Variants in ANKRD30B observed in about 807,000 individuals in gnomAD.
ANKRD30B encodes the protein ankyrin repeat domain-containing protein 30B.
In ANKRD30B, 144 loss-of-function variants were observed where a neutral mutation model predicts 202.2. The observed-to-expected ratio is 0.71, with a 90% CI of 0.62 to 0.82. ANKRD30B has a LOEUF of 0.82. Among genes scored for constraint, ANKRD30B ranks in the 40% least tolerant of loss-of-function variants. ANKRD30B has a pLI of 0.00. For synonymous variants in ANKRD30B, 508 were observed against 561.3 expected (o/e 0.91, Z 1.34); for missense variants, 1,487 against 1,669.1 (o/e 0.89, Z 1.90).
chr18:14,854,848 CA>C (rs1972030062), downstream of ANKRD30B, among the ~76,000 whole-genome samples: 1 of 150,442 alleles, frequency 6.6e-6, no homozygotes, highest in African/African-American at 2.5e-5. Context: ...CACACACACA[CA>C]CACACACACA....
chr18:14,853,298 C>T (rs1208210054), intron 42 of ANKRD30B, among the ~76,000 whole-genome samples: 3 of 151,964 alleles, frequency 2.0e-5, no homozygotes, highest in African/African-American at 7.3e-5. Flanking sequence ...ATGTATAGTA[C>T]AAAAGAAGTG....
chr18:14,830,719 A>G (rs1338831074), intron 33 of ANKRD30B, among the ~76,000 whole-genome samples: 1 of 152,202 alleles, frequency 6.6e-6, no homozygotes, highest in Non-Finnish European at 1.5e-5. Flanking sequence ...TATGTCAGCC[A>G]TTAAGTACAT....
chr18:14,920,349 T>C, the ANKRD30B span, among the ~76,000 whole-genome samples: 1 of 152,228 alleles, frequency 6.6e-6, no homozygotes, highest in Non-Finnish European at 1.5e-5. Flanking sequence ...CCTATTTCTG[T>C]AACTCTGAAA....
At chr18:14,884,755 G>A in the ANKRD30B span, among the ~76,000 whole-genome samples, 1 of 152,064 alleles carries the variant, frequency 6.6e-6, no homozygotes, top group African/African-American at 2.4e-5. Context: ...GATGTTACTG[G>A]AAAGAGGCTA....
At chr18:14,798,660 C>A (rs931639182) in intron 20 of ANKRD30B, among the ~76,000 whole-genome samples, 1 of 152,050 alleles carries the variant, frequency 6.6e-6, no homozygotes, top group Non-Finnish European at 1.5e-5. Context: ...TCCGTGCGTC[C>A]ATTTATAGGC....
chr18:14,795,626 A>T (rs914803424), intron 16 of ANKRD30B, among the ~76,000 whole-genome samples: 2 of 152,206 alleles, frequency 1.3e-5, no homozygotes, highest in Non-Finnish European at 2.9e-5. Flanking sequence ...AAAAATAAAT[A>T]TATTTATAAA....
chr18:14,870,151 C>T, the ANKRD30B span, among the ~76,000 whole-genome samples: 1 of 152,330 alleles, frequency 6.6e-6, no homozygotes, highest in Non-Finnish European at 1.5e-5. Context: ...ATTTTAGATA[C>T]AGTGTCTTCC....
rs908883107 is a variant in ANKRD30B at position 14,852,345 on chromosome 18, T to C, written c.4401T>C (p.Asn1467=). The C allele has an allele frequency of 3.9e-6, 6 of 1,541,522 alleles. No individual in the cohort carries two copies. In the African/African-American group the frequency reaches 8.3e-5, roughly 21 times the overall value. The change falls in exon 42 of 44, where the codon AAT becomes AAC. Residue 1467 remains asparagine, a synonymous_variant. Coordinates refer to ENST00000690538, the MANE Select transcript of ANKRD30B (RefSeq NM_001367607.2). ...MKMQRHLNEK[N]EEVFNYGNHL... is the part of the protein sequence containing the mutation. ...TGCAACGTCATCTAAACGAGAAAAATGAGGAGGTATTCAATTATGGTAACC... is the reference window on the plus strand; with the variant it reads ...TGCAACGTCATCTAAACGAGAAAAACGAGGAGGTATTCAATTATGGTAACC...
intron 15 of ANKRD30B, among the ~76,000 whole-genome samples, chr18:14,789,917 A>G (rs575001644): frequency 5.6e-4 from 86 of 152,234 alleles, no homozygotes; most frequent in Non-Finnish European, 1.0e-3. Context: ...GTTTTTTCCA[A>G]TTCTGTGAAG....
intron 18 of ANKRD30B, among the ~76,000 whole-genome samples, chr18:14,797,117 A>C (rs566472779): frequency 1.3e-5 from 2 of 152,324 alleles, no homozygotes; most frequent in Admixed American, 1.3e-4. Context: ...AGAAATTCTC[A>C]GAAGGGAGTA....
In ANKRD30B at chr18:14,784,466, G is replaced by A. The variant is rs775465702; in HGVS notation, c.1603G>A (p.Ala535Thr). The part of the protein sequence containing the change: ...LPEKPSAFKP[A>T]VEMQKTVPNK... ...TTTTTCTTCCAAACCCATTTAGCCT[G>A]CCGTTGAAATGCAAAAGACTGTTCC... Residue 535 changes from alanine (A) to threonine (T), a missense_variant, in exon 14 of 44, where the codon GCC becomes ACC. Ala to Thr is a moderately conservative substitution (Grantham distance 58). This residue lies in a region of ANKRD30B where 889 missense variants were observed against 841.4 expected (regional missense o/e 1.06). Transcript: ENST00000690538. 2.5e-6 allele frequency: 4 copies of A among 1,613,240 alleles called. No homozygotes were observed. The highest frequency in any genetic ancestry group is 3.4e-6 in the Non-Finnish European group (4 of 1,179,448).
rs147449051 is a variant in ANKRD30B, at chr18:14,808,057, G to A, written c.2285-494G>A. Reference sequence around the variant, plus strand: ...TAAATTGTACCTTTGAATTCTCATCGGAGCTTTGCAATTCTTAAATTACAG... The same window carrying A: ...TAAATTGTACCTTTGAATTCTCATCAGAGCTTTGCAATTCTTAAATTACAG... On this transcript the variant is annotated intron_variant, in intron 24 of 43. Transcript: ENST00000690538. 1.8e-3 allele frequency among the ~76,000 whole-genome samples: 264 copies of A among 150,818 alleles called. 9 individuals are homozygous for A. Among genetic ancestry groups the A allele is most frequent in the African/African-American group, 6.1e-3 (248 of 40,838 alleles).
At chr18:14,753,831 T>A (rs1913877843) in intron 3 of ANKRD30B, among the ~76,000 whole-genome samples, 1 of 152,066 alleles carries the variant, frequency 6.6e-6, no homozygotes, top group African/African-American at 2.4e-5. Flanking sequence ...TCCCTTAAAA[T>A]TCAAGTGATT....
intron 16 of ANKRD30B, among the ~76,000 whole-genome samples, chr18:14,792,866 T>G (rs937640077): frequency 2.0e-5 from 3 of 152,248 alleles, no homozygotes; most frequent in African/African-American, 7.2e-5. Context: ...TAAAACCTCA[T>G]TAGCGAATAA....
the ANKRD30B span, among the ~76,000 whole-genome samples, chr18:14,896,271 A>G: frequency 2.5e-4 from 38 of 152,028 alleles, no homozygotes; most frequent in East Asian, 7.4e-3. Flanking sequence ...AGCTGGGACT[A>G]CAGGCACCCG....
Position 14,799,330 on chromosome 18 carries a change from A to G in ANKRD30B, c.2131+35A>G, listed in dbSNP as rs767696871. 1.4e-5 allele frequency: 21 copies of G among 1,476,062 alleles called. 1 individual carries two copies. Among genetic ancestry groups the G allele is most frequent in the Admixed American group, 9.9e-5 (4 of 40,322 alleles). The allele number at this position is 1,476,062 out of a possible 1,614,324, so 91.4% of individuals were successfully genotyped here. A position where few individuals can be genotyped will look rare whatever the true frequency, so the allele number is the denominator to read the frequency against. On this transcript the variant is annotated intron_variant, in intron 22 of 43. Coordinates refer to ENST00000690538, the MANE Select transcript of ANKRD30B (RefSeq NM_001367607.2). ...GCAATTTTAATTTTACTCTGGAATTAAGAATATTAAACTATTTGAAATGCT... is the reference window on the plus strand; with the variant it reads ...GCAATTTTAATTTTACTCTGGAATTGAGAATATTAAACTATTTGAAATGCT...
chr18:14,820,241 A>C (rs1970343411), intron 30 of ANKRD30B, among the ~76,000 whole-genome samples: 1 of 152,224 alleles, frequency 6.6e-6, no homozygotes, highest in Non-Finnish European at 1.5e-5. Context: ...GAATTTGCTT[A>C]TCAGCTTAAG....
At chr18:14,893,324 C>T in the ANKRD30B span, among the ~76,000 whole-genome samples, 1 of 152,036 alleles carries the variant, frequency 6.6e-6, no homozygotes, top group South Asian at 2.1e-4. Flanking sequence ...GAAGTGTTAA[C>T]TATGGGCTGG....
chr18:14,890,232 G>A, the ANKRD30B span: 3 of 501,588 alleles, frequency 6.0e-6, no homozygotes, highest in Admixed American at 3.4e-5. Context: ...CCAAGACTCC[G>A]ACCCACAACA....
Sources: gnomAD v4.1 joint callset for allele counts (sites outside exome capture counted in the v4.1 genomes callset) on GRCh38, gnomAD v4.1.1 for gene constraint, gnomAD v4.1.1 regional missense constraint, MANE v1.5 for transcripts, NCBI Gene and HGNC (gene_info 2026-07-23, HGNC 2026-07-21) for gene names.